Variants in MYH15 observed in about 807,000 individuals in gnomAD.
The protein encoded by MYH15 is myosin-15.
In MYH15, 227 loss-of-function variants were observed where a neutral mutation model predicts 240.5. The ratio of observed to expected loss-of-function variants is 0.94; its 90% CI spans 0.85 to 1.05. The LOEUF (loss-of-function observed/expected upper bound fraction) is 1.05. MYH15 is among the 50% of genes least tolerant of loss of function. The probability of loss-of-function intolerance (pLI) is 0.00; values close to 1 mark genes in which losing one functional copy is unlikely to be tolerated. For synonymous variants in MYH15, 785 were observed against 796.7 expected (o/e 0.99, Z 0.25); for missense variants, 2,217 against 2,247.5 (o/e 0.99, Z 0.27).
intron 40 of MYH15, among the ~76,000 whole-genome samples, chr3:108,382,725 C>T (rs956909751): frequency 2.0e-5 from 3 of 151,450 alleles, no homozygotes; most frequent in African/African-American, 4.9e-5. Context: ...TGATTCTGCC[C>T]GAAAACACAG....
intron 1 of MYH15, among the ~76,000 whole-genome samples, chr3:108,509,795 T>C (rs577967568): frequency 6.6e-6 from 1 of 152,158 alleles, no homozygotes; most frequent in Non-Finnish European, 1.5e-5. Flanking sequence ...GAGATTTCAA[T>C]GTAGAACTTA....
At chr3:108,504,442 T>C (rs943606461) in intron 2 of MYH15, among the ~76,000 whole-genome samples, 4 of 152,224 alleles carry the variant, frequency 2.6e-5, no homozygotes, top group African/African-American at 9.6e-5. Context: ...AAGCATTCTA[T>C]GTGGTAGTTT....
chr3:108,410,708 G>T lies in MYH15; in HGVS notation c.4370C>A (p.Ala1457Glu). 2.5e-6 allele frequency: 4 copies of T among 1,614,130 alleles called. No homozygotes were observed. Among genetic ancestry groups the T allele is most frequent in the Non-Finnish European group, 3.4e-6 (4 of 1,180,038 alleles). The change falls in exon 31 of 41, where the codon GCG becomes GAG. Residue 1457 changes from alanine (A) to glutamate (E), a missense_variant. Coordinates refer to ENST00000693548, the MANE Select transcript of MYH15 (RefSeq NM_014981.3). ...TTCCTTCTGAGAGGCATCCAGCAACGCCTGGGACTCCTCGTGCTTCTGCTT... is the reference window on the plus strand; with the variant it reads ...TTCCTTCTGAGAGGCATCCAGCAACTCCTGGGACTCCTCGTGCTTCTGCTT... ...DWKQKHEESQALLDASQKEVQ... is the reference protein window; with the variant it reads ...DWKQKHEESQELLDASQKEVQ...
At chr3:108,537,758 C>T in the MYH15 span, among the ~76,000 whole-genome samples, 3 of 152,212 alleles carry the variant, frequency 2.0e-5, no homozygotes, top group East Asian at 1.9e-4. Flanking sequence ...ACAAAGTTAA[C>T]CACTATTAAT....
chr3:108,442,812 C>T (rs1576236553), intron 22 of MYH15, among the ~76,000 whole-genome samples: 1 of 150,360 alleles, frequency 6.7e-6, no homozygotes, highest in East Asian at 1.9e-4. Context: ...TAGCTTTCTC[C>T]CTTAAAATAA....
exon 1 of MYH15, chr3:108,529,273 TTGGTAAGA>T: frequency 6.2e-7 from 1 of 1,601,818 alleles, no homozygotes; most frequent in Non-Finnish European, 8.5e-7. Context: ...CATGATCTTT[TTGGTAAGA>T]TGAGGTAAAT....
intron 21 of MYH15, among the ~76,000 whole-genome samples, chr3:108,451,905 G>A (rs1452382424): frequency 2.0e-5 from 3 of 147,620 alleles, no homozygotes; most frequent in African/African-American, 7.5e-5. Flanking sequence ...AATAGATGCA[G>A]ATAAATGATT....
upstream of MYH15, among the ~76,000 whole-genome samples, chr3:108,532,289 TCTCA>T (rs1347841082): frequency 1.3e-5 from 2 of 151,932 alleles, no homozygotes; most frequent in Admixed American, 6.6e-5. Flanking sequence ...AGCAGATTGG[TCTCA>T]CTAATATGGG....
Position 108,459,343 on chromosome 3 carries a change from A to G in MYH15, c.2020+19T>C, listed in dbSNP as rs1576246362. 1 of 1,481,428 alleles carries G rather than the reference A, an allele frequency of 6.8e-7. No homozygotes were observed. The highest frequency in any genetic ancestry group is 2.3e-5 in the East Asian group (1 of 42,988). The allele number at this position is 1,481,428 out of a possible 1,614,324, so 91.8% of individuals were successfully genotyped here. On this transcript the variant is annotated intron_variant, in intron 18 of 40. Coordinates refer to ENST00000693548, the MANE Select transcript of MYH15 (RefSeq NM_014981.3). ...AAATCTATTTCCTAGTGTGAATTAC[A>G]AAGAAATCTAGTTCTTACCTGGTAT...
chr3:108,477,393 G>T (rs1247679465), intron 11 of MYH15, among the ~76,000 whole-genome samples: 1 of 152,186 alleles, frequency 6.6e-6, no homozygotes, highest in African/African-American at 2.4e-5. Context: ...TCCGGAATTA[G>T]ATAGTGGTGG....
intron 32 of MYH15, 89 bp from the exon 33 acceptor site, chr3:108,405,542 T>A: frequency 1.4e-6 from 1 of 718,492 alleles, no homozygotes; most frequent in Non-Finnish European, 2.1e-6. Context: ...CTAATGTAGC[T>A]CTCTTAGAGT....
intron 35 of MYH15, among the ~76,000 whole-genome samples, chr3:108,394,869 T>C (rs1032311298): frequency 6.6e-6 from 1 of 152,220 alleles, no homozygotes; most frequent in Non-Finnish European, 1.5e-5. Flanking sequence ...ATAAAAGGCA[T>C]AGGCTTTCTA....
chr3:108,525,230 T>C (rs1012922303), intron 1 of MYH15, among the ~76,000 whole-genome samples: 1 of 152,090 alleles, frequency 6.6e-6, no homozygotes, highest in Non-Finnish European at 1.5e-5. Flanking sequence ...TGGGGTAAAA[T>C]GATTTTGTGA....
intron 10 of MYH15, among the ~76,000 whole-genome samples, 166 bp from the exon 11 acceptor site, chr3:108,485,395 T>C (rs1465571461): frequency 6.6e-6 from 1 of 152,232 alleles, no homozygotes; most frequent in Non-Finnish European, 1.5e-5. Flanking sequence ...TCACCCGCAG[T>C]CTGCTCATCC....
intron 38 of MYH15, among the ~76,000 whole-genome samples, chr3:108,385,471 T>G (rs1378644133): frequency 6.6e-6 from 1 of 152,196 alleles, no homozygotes; most frequent in East Asian, 1.9e-4. Context: ...AAAGGAAATC[T>G]GGTGGGATAA....
chr3:108,460,594 ATTAT>A (rs1472607960), intron 16 of MYH15, among the ~76,000 whole-genome samples: 1 of 152,178 alleles, frequency 6.6e-6, no homozygotes, highest in Admixed American at 6.5e-5. Flanking sequence ...TCACTGAAGC[ATTAT>A]TTAGTCATTG....
intron 1 of MYH15, among the ~76,000 whole-genome samples, chr3:108,525,377 A>C (rs1228944501): frequency 6.6e-6 from 1 of 152,124 alleles, no homozygotes; most frequent in Non-Finnish European, 1.5e-5. Context: ...TCCAGTAATA[A>C]TCTTCTGTAG....
chr3:108,509,050 T>G (rs970571923), intron 1 of MYH15, among the ~76,000 whole-genome samples: 3 of 152,096 alleles, frequency 2.0e-5, no homozygotes, highest in African/African-American at 7.2e-5. Flanking sequence ...CCAGAGATGG[T>G]CAAGGACAGG....
At chr3:108,395,125 TG>T (rs2082450109) in intron 35 of MYH15, among the ~76,000 whole-genome samples, 1 of 152,100 alleles carries the variant, frequency 6.6e-6, no homozygotes, top group Admixed American at 6.6e-5. Flanking sequence ...CAAAAATAGT[TG>T]GGTGTGGTGG....
Sources: allele counts gnomAD v4.1 joint callset (sites outside exome capture counted in the v4.1 genomes callset), GRCh38; gene constraint gnomAD v4.1.1; transcripts MANE v1.5; gene names NCBI Gene and HGNC (gene_info 2026-07-23, HGNC 2026-07-21).